SLCO3A1: variants seen among roughly 807,000 people sequenced by gnomAD.
The protein encoded by SLCO3A1 is solute carrier organic anion transporter family member 3A1, also known as PGE1 transporter.
In SLCO3A1, 27 loss-of-function variants were observed where a neutral mutation model predicts 63.1. The observed-to-expected ratio is 0.43, with a 90% CI of 0.32 to 0.59. The LOEUF is 0.59. Among genes scored for constraint, SLCO3A1 ranks in the 20% least tolerant of loss-of-function variants. The probability of loss-of-function intolerance (pLI) is 0.09; values close to 1 mark genes in which losing one functional copy is unlikely to be tolerated. For missense variants in SLCO3A1, 773 were observed against 945.8 expected (o/e 0.82, Z 2.40); for synonymous variants, 473 against 409.9 (o/e 1.15, Z -1.86).
chr15:91,895,496 G>A (rs77456954), intron 1 of SLCO3A1, among the ~76,000 whole-genome samples: 231 of 152,294 alleles, frequency 1.5e-3, no homozygotes, highest in African/African-American at 5.4e-3. Flanking sequence ...TGGTCATCCA[G>A]GGCTTGCATA....
intron 2 of SLCO3A1, among the ~76,000 whole-genome samples, chr15:92,068,569 A>T (rs897590855): frequency 8.5e-5 from 13 of 152,216 alleles, no homozygotes; most frequent in Non-Finnish European, 1.9e-4. Flanking sequence ...AGAAATTTTT[A>T]AAAATTAACC....
intron 2 of SLCO3A1, among the ~76,000 whole-genome samples, chr15:91,990,312 T>A (rs1167077555): frequency 1.3e-5 from 2 of 152,206 alleles, no homozygotes; most frequent in African/African-American, 4.8e-5. Flanking sequence ...AATGCTCTTA[T>A]GACAAGAGGA....
chr15:92,160,266 C>G (rs931730547), intron 9 of SLCO3A1, among the ~76,000 whole-genome samples: 1 of 152,106 alleles, frequency 6.6e-6, no homozygotes, highest in South Asian at 2.1e-4. Flanking sequence ...ATCTCTAGGT[C>G]CATCTGTAAT....
At chr15:91,889,227 A>G (rs1051814654) in intron 1 of SLCO3A1, 4 of 1,205,872 alleles carry the variant, frequency 3.3e-6, no homozygotes, top group Non-Finnish European at 4.4e-6. Context: ...AATTGTTGCC[A>G]GGAAAGGACT....
intron 1 of SLCO3A1, chr15:91,889,070 A>C: frequency 1.2e-6 from 1 of 861,084 alleles, no homozygotes; most frequent in Non-Finnish European, 1.5e-6. Context: ...TAGCTAACAT[A>C]TAGCTAACAT....
chr15:91,907,368 G>C (rs1246587040), intron 1 of SLCO3A1, among the ~76,000 whole-genome samples: 1 of 151,978 alleles, frequency 6.6e-6, no homozygotes, highest in Non-Finnish European at 1.5e-5. Context: ...ACCAAGCCTG[G>C]CTAATTTTTG....
Position 91,981,539 on chromosome 15 carries a change from G to A in SLCO3A1, c.646+65081G>A, listed in dbSNP as rs145244645. On this transcript the variant is annotated intron_variant, in intron 2 of 9. Transcript: ENST00000318445. ...CCTGCAGAGTGCTTCCTACCTGTGC[G>A]CATTCCATAAGTCCTTCAAGGACCA... Among the ~76,000 whole-genome samples the A allele has an allele frequency of 9.8e-4, 149 of 152,000 alleles. 2 individuals carry two copies. Among genetic ancestry groups the A allele is most frequent in the South Asian group, 7.9e-3 (38 of 4,820 alleles).
rs2141829819 is a variant in SLCO3A1, at chr15:91,856,522, C to T, written c.180+2434C>T. ...GGGAAAAAAAGTTTGCTCCTTCAGC[C>T]ATGCGAGACTTCTCTGTGGATAATT... On this transcript the variant is annotated intron_variant, in intron 1 of 9. Transcript: ENST00000318445. This position sits in a 1 kb window ranked among gnomAD's most constrained non-coding sequence, Gnocchi z 4.9. Among the ~76,000 whole-genome samples, 1 of 152,288 alleles carries T rather than the reference C, an allele frequency of 6.6e-6. No individual in the cohort carries two copies. The highest frequency in any genetic ancestry group is 6.5e-5 in the Admixed American group (1 of 15,302).
At chr15:92,053,240 C>T (rs535089773) in intron 2 of SLCO3A1, among the ~76,000 whole-genome samples, 1 of 152,280 alleles carries the variant, frequency 6.6e-6, no homozygotes, top group African/African-American at 2.4e-5. Flanking sequence ...CACAGCCTCA[C>T]AAGCAGGACT....
intron 1 of SLCO3A1, among the ~76,000 whole-genome samples, chr15:91,871,767 T>TGG (rs2151334531): frequency 7.3e-6 from 1 of 136,132 alleles, no homozygotes; most frequent in African/African-American, 3.2e-5. Flanking sequence ...TTTTTTTGGT[T>TGG]TTTTTTTTTT....
intron 2 of SLCO3A1, among the ~76,000 whole-genome samples, chr15:92,016,254 T>TAGATGATAGATAGATTGATTGATTAGA: frequency 5.6e-4 from 54 of 95,656 alleles, no homozygotes; most frequent in African/African-American, 2.1e-3. Flanking sequence ...GATAGATAGA[T>TAGATGATAGATAGATTGATTGATTAGA]TAGATAGATA....
At chr15:92,098,536 G>A (rs968942322) in intron 3 of SLCO3A1, among the ~76,000 whole-genome samples, 9 of 152,208 alleles carry the variant, frequency 5.9e-5, no homozygotes, top group Non-Finnish European at 4.4e-5. Flanking sequence ...CTTAGTAGCA[G>A]AGTACATATC....
chr15:92,095,014 G>A (rs201929272), intron 3 of SLCO3A1, 35 bp downstream of exon 3: 559 of 1,421,948 alleles, frequency 3.9e-4, no homozygotes, highest in Non-Finnish European at 5.3e-4. Flanking sequence ...CCTTCCATCC[G>A]CAAGCGTTTC....
intron 2 of SLCO3A1, among the ~76,000 whole-genome samples, chr15:92,050,978 C>T (rs2046950158): frequency 6.6e-6 from 1 of 152,200 alleles, no homozygotes; most frequent in Non-Finnish European, 1.5e-5. Flanking sequence ...GTCTCTCAGG[C>T]CCCAGCCCAA....
chr15:91,906,490 G>A (rs1000865756), intron 1 of SLCO3A1, among the ~76,000 whole-genome samples: 2 of 152,220 alleles, frequency 1.3e-5, no homozygotes, highest in Non-Finnish European at 2.9e-5. Context: ...CATTTGACAG[G>A]AAGCCGGGGC....
intron 3 of SLCO3A1, among the ~76,000 whole-genome samples, chr15:92,095,698 C>G (rs1166587710): frequency 1.3e-5 from 2 of 152,192 alleles, no homozygotes; most frequent in Admixed American, 6.5e-5. Flanking sequence ...CTTGGTCACA[C>G]TACATATGCA....
chr15:92,041,819 G>A (rs1223047363), intron 2 of SLCO3A1, among the ~76,000 whole-genome samples: 5 of 151,814 alleles, frequency 3.3e-5, no homozygotes, highest in African/African-American at 4.9e-5. Flanking sequence ...CAGAGGATAA[G>A]TGTAATGACA....
intron 1 of SLCO3A1, among the ~76,000 whole-genome samples, chr15:91,902,276 A>T (rs571537241): frequency 6.6e-6 from 1 of 152,130 alleles, no homozygotes; most frequent in South Asian, 2.1e-4. Flanking sequence ...AGTTCACTGA[A>T]ACCTCAAACT....
chr15:91,878,898 C>T (rs1039272081), intron 1 of SLCO3A1, among the ~76,000 whole-genome samples: 2 of 151,972 alleles, frequency 1.3e-5, no homozygotes, highest in Admixed American at 1.3e-4. Flanking sequence ...GGCTTTTTTT[C>T]CTCCTTACCA....
Sources: allele counts gnomAD v4.1 joint callset (sites outside exome capture counted in the v4.1 genomes callset), GRCh38; gene constraint gnomAD v4.1.1; non-coding constraint Gnocchi (gnomAD v3.1); transcripts MANE v1.5; gene names NCBI Gene and HGNC (gene_info 2026-07-23, HGNC 2026-07-21).